FBXL19: variants seen among roughly 807,000 people sequenced by gnomAD.
The protein encoded by FBXL19 is F-box/LRR-repeat protein 19.
A neutral mutation model predicts 71.2 loss-of-function variants in FBXL19; 16 were observed. That is an observed-to-expected ratio of 0.22 (90% CI 0.15 to 0.34). The LOEUF (loss-of-function observed/expected upper bound fraction) is 0.34. Among genes scored for constraint, FBXL19 ranks in the 10% least tolerant of loss-of-function variants. FBXL19 has a pLI of 1.00. For synonymous variants in FBXL19, 447 were observed against 409.4 expected, an observed-to-expected ratio of 1.09 and a Z score of -1.11; for missense variants, 658 against 968.2, an observed-to-expected ratio of 0.68 and a Z score of 4.25.
intron 7 of FBXL19, among the ~76,000 whole-genome samples, chr16:30,941,312 C>CA (rs796487412): frequency 6.6e-5 from 10 of 151,948 alleles, no homozygotes; most frequent in African/African-American, 2.4e-4. Flanking sequence ...CCTGTCTCTA[C>CA]AAAAAAATTG....
At chr16:30,924,585 C>G in intron 1 of FBXL19, 126 bp downstream of exon 1, 1 of 1,354,030 alleles carries the variant, frequency 7.4e-7, no homozygotes, top group Non-Finnish European at 9.4e-7. Context: ...AAACTCATCT[C>G]CAGCCCTCCT....
chr16:30,935,477 A>G (rs773289096), intron 7 of FBXL19, among the ~76,000 whole-genome samples: 9 of 152,128 alleles, frequency 5.9e-5, no homozygotes, highest in Non-Finnish European at 1.2e-4. Context: ...GCAGCAGGGA[A>G]GGCGTGCAGG....
In FBXL19 at chr16:30,947,740, T is replaced by C. The variant is rs1343382833; in HGVS notation, c.*510T>C. On this transcript the variant is annotated 3_prime_UTR_variant, in exon 11 of 11. Transcript: ENST00000338343. ...CAATTGGGGATCCAGGTGTCAGAGGTAGGGGAACCAGGGGCAAGCTGGGGC... is the reference window on the plus strand; with the variant it reads ...CAATTGGGGATCCAGGTGTCAGAGGCAGGGGAACCAGGGGCAAGCTGGGGC... 1.9e-5 allele frequency: 7 copies of C among 370,614 alleles called. No individual in the cohort carries two copies. The highest frequency in any genetic ancestry group is 1.3e-4 in the South Asian group (7 of 52,848). The allele number at this position is 370,614 out of a possible 1,614,324, so 23.0% of individuals were successfully genotyped here.
rs1456586835 is a variant in FBXL19, at chr16:30,925,635, C to T, written c.-24-96C>T. ...CTCCTTGTCCCCCTGAGGAAGAGGG[C>T]AGGCTCTAGCTGCCTGTAGGTGGAG... On this transcript the variant is annotated intron_variant, in intron 1 of 10. Coordinates refer to ENST00000338343, the MANE Select transcript of FBXL19 (RefSeq NM_001382779.1). This position sits in a 1 kb window ranked among gnomAD's most constrained non-coding sequence, Gnocchi z 5.0. The T allele has an allele frequency of 7.7e-6, 10 of 1,299,500 alleles. No individual in the cohort carries two copies. Among genetic ancestry groups the T allele is most frequent in the East Asian group, 3.2e-5 (1 of 31,362 alleles). 80.5% of individuals were successfully genotyped at this position (1,299,500 alleles called of 1,614,324 possible). A position where few individuals can be genotyped will look rare whatever the true frequency, so the allele number is the denominator to read the frequency against.
intron 1 of FBXL19, chr16:30,924,670 G>T: frequency 7.4e-7 from 1 of 1,360,434 alleles, no homozygotes; most frequent in Non-Finnish European, 9.5e-7. Flanking sequence ...CCCCACCCCC[G>T]CCTGCAGTCG....
In FBXL19 at chr16:30,923,672, A is replaced by G. The variant is rs1214059192; in HGVS notation, c.-812A>G. Among the ~76,000 whole-genome samples, 1 of 149,344 alleles carries G rather than the reference A, an allele frequency of 6.7e-6. No homozygotes were observed. Among genetic ancestry groups the G allele is most frequent in the Non-Finnish European group, 1.5e-5 (1 of 67,152 alleles). On this transcript the variant is annotated 5_prime_UTR_variant, in exon 1 of 11. Transcript: ENST00000338343. ...GCTGGGGGACCAGGGGGGCTGAGAC[A>G]CCCCAACTGCCCCCTTCCCCTTTCC... is the stretch of plus-strand genomic sequence containing the variant.
At position 30,930,546 on chromosome 16, in the gene FBXL19, G is replaced by A. The variant is rs767396335; in HGVS notation, c.1263G>A (p.Leu421=). Residue 421 remains leucine, a synonymous_variant, in exon 7 of 11, where the codon CTG becomes CTA. Coordinates refer to ENST00000338343, the MANE Select transcript of FBXL19 (RefSeq NM_001382779.1). This position sits in a 1 kb window ranked among gnomAD's most constrained non-coding sequence, Gnocchi z 8.5. ...RVFQHLGPRE[L]CICMRVCRTW... ...TCCAGCACCTCGGGCCGCGGGAGCT[G>A]TGTATCTGCATGCGAGTCTGCCGAA... 4.9e-5 allele frequency: 73 copies of A among 1,490,488 alleles called. No homozygotes were observed. In the Admixed American group the frequency reaches 1.7e-3, roughly 35 times the overall value. 92.3% of individuals were successfully genotyped at this position (1,490,488 alleles called of 1,614,324 possible).
intron 7 of FBXL19, among the ~76,000 whole-genome samples, chr16:30,932,839 C>CTTT (rs1188274971): frequency 2.0e-4 from 26 of 130,468 alleles, no homozygotes; most frequent in Non-Finnish European, 2.6e-4. Context: ...GCAATGATAA[C>CTTT]TTTTTTTTTT....
chr16:30,932,480 G>A (rs150251766), intron 7 of FBXL19, among the ~76,000 whole-genome samples: 2 of 152,190 alleles, frequency 1.3e-5, no homozygotes, highest in East Asian at 1.9e-4. Flanking sequence ...CGTGTGGCCC[G>A]AAGCAGACAA....
chr16:30,936,352 G>C (rs1349981277), intron 7 of FBXL19, among the ~76,000 whole-genome samples: 1 of 151,922 alleles, frequency 6.6e-6, no homozygotes, highest in Non-Finnish European at 1.5e-5. Flanking sequence ...CCACCCAGAC[G>C]GGCTAGGTGG....
Position 30,947,259 on chromosome 16 carries a change from CG to C in FBXL19, c.*30del. On this transcript the variant is annotated 3_prime_UTR_variant, in exon 11 of 11. Transcript: ENST00000338343. Reference sequence around the variant, plus strand: ...GGCGCCCCCCACCCTCCCCCGGACTCGACAGGAGCCTGGACCTCCGGCTTCA... The same window carrying C: ...GGCGCCCCCCACCCTCCCCCGGACTCACAGGAGCCTGGACCTCCGGCTTCA... 2 of 1,522,732 alleles carry C rather than the reference CG, an allele frequency of 1.3e-6. No individual in the cohort carries two copies. The highest frequency in any genetic ancestry group is 2.4e-5 in the South Asian group (2 of 81,828). 94.3% of individuals were successfully genotyped at this position (1,522,732 alleles called of 1,614,324 possible).
At position 30,930,285 on chromosome 16, in the gene FBXL19, A is replaced by G; in HGVS notation, c.1002A>G (p.Arg334=). Residue 334 remains arginine, a synonymous_variant, in exon 7 of 11, where the codon CGA becomes CGG. Transcript: ENST00000338343. This position sits in a 1 kb window ranked among gnomAD's most constrained non-coding sequence, Gnocchi z 8.5. ...CCCCCGGCGAGGCCCGGAATGGGCG[A>G]CGGCCAGCCCGGGGCAGCTCTGGCG... ...DEAPGEARNG[R]RPARGSSGEK... The G allele has an allele frequency of 1.2e-6, 2 of 1,612,270 alleles. No homozygotes were observed. Among genetic ancestry groups the G allele is most frequent in the Non-Finnish European group, 1.7e-6 (2 of 1,179,540 alleles).
intron 7 of FBXL19, among the ~76,000 whole-genome samples, chr16:30,932,628 C>T (rs2055687663): frequency 6.6e-6 from 1 of 152,098 alleles, no homozygotes; most frequent in African/African-American, 2.4e-5. Flanking sequence ...TATGAATACT[C>T]ACCTTTTGGG....
In FBXL19 at chr16:30,947,931, C is replaced by A; in HGVS notation, c.*701C>A. ...TGCAAGGAGTGGGGGCCGCGGGCAG[C>A]CGCTCTTCAGCTCGCGGCCCAGGGG... is the stretch of plus-strand genomic sequence containing the variant. On this transcript the variant is annotated 3_prime_UTR_variant, in exon 11 of 11. Coordinates refer to ENST00000338343, the MANE Select transcript of FBXL19 (RefSeq NM_001382779.1). The A allele has an allele frequency of 2.2e-6, 1 of 450,740 alleles. No homozygotes were observed. Among genetic ancestry groups the A allele is most frequent in the Non-Finnish European group, 4.5e-6 (1 of 224,150 alleles). The allele number at this position is 450,740 out of a possible 1,614,324, so 27.9% of individuals were successfully genotyped here. A position where few individuals can be genotyped will look rare whatever the true frequency, so the allele number is the denominator to read the frequency against.
In FBXL19 at chr16:30,930,776, C is replaced by T. The variant is rs1242314673; in HGVS notation, c.1301+192C>T. On this transcript the variant is annotated intron_variant, in intron 7 of 10. Coordinates refer to ENST00000338343, the MANE Select transcript of FBXL19 (RefSeq NM_001382779.1). This position sits in a 1 kb window ranked among gnomAD's most constrained non-coding sequence, Gnocchi z 8.5. ...ACTTTCCACTTATGGGCTCATTTAA[C>T]CCCCTAGACAACTTTGAGGTAGAGG... is the stretch of plus-strand genomic sequence containing the variant. Among the ~76,000 whole-genome samples the T allele has an allele frequency of 1.3e-5, 2 of 152,162 alleles. No individual in the cohort carries two copies. Among genetic ancestry groups the T allele is most frequent in the African/African-American group, 4.8e-5 (2 of 41,414 alleles).
intron 7 of FBXL19, among the ~76,000 whole-genome samples, chr16:30,940,721 C>T (rs1365110722): frequency 6.6e-6 from 1 of 152,068 alleles, no homozygotes; most frequent in African/African-American, 2.4e-5. Context: ...AGCTGGTGTG[C>T]AGTGGTGCGA....
In FBXL19 at chr16:30,947,336, T is replaced by C; in HGVS notation, c.*106T>C. The C allele has an allele frequency of 1.0e-6, 1 of 959,748 alleles. No individual in the cohort carries two copies. Among genetic ancestry groups the C allele is most frequent in the Non-Finnish European group, 1.5e-6 (1 of 665,082 alleles). 59.5% of individuals were successfully genotyped at this position (959,748 alleles called of 1,614,324 possible). On this transcript the variant is annotated 3_prime_UTR_variant, in exon 11 of 11. Transcript: ENST00000338343. ...TCCCACCTCACCACCCTGGGATTCC[T>C]GAGTGTCAGTGACTTGGGATTCCCA...
chr16:30,923,478 G>A (rs943899037), upstream of FBXL19, among the ~76,000 whole-genome samples: 2 of 151,014 alleles, frequency 1.3e-5, no homozygotes, highest in Non-Finnish European at 3.0e-5. Flanking sequence ...GGAAGGAGGG[G>A]GAAGGGGGCG....
rs1193877614 is a variant in FBXL19, at chr16:30,930,581, G to A, written c.1298G>A (p.Arg433His). The A allele has an allele frequency of 1.4e-6, 2 of 1,453,230 alleles. No individual in the cohort carries two copies. The highest frequency in any genetic ancestry group is 1.8e-6 in the Non-Finnish European group (2 of 1,107,324). The allele number at this position is 1,453,230 out of a possible 1,614,324, so 90.0% of individuals were successfully genotyped here. A position where few individuals can be genotyped will look rare whatever the true frequency, so the allele number is the denominator to read the frequency against. ...ICMRVCRTWS[R>H]WCYDKRLWPR... is the part of the protein sequence containing the mutation. ...ATGCGAGTCTGCCGAACTTGGAGCCGCTGGTGAGTGGCCTGGACAGGCCTG... is the reference window on the plus strand; with the variant it reads ...ATGCGAGTCTGCCGAACTTGGAGCCACTGGTGAGTGGCCTGGACAGGCCTG... Residue 433 changes from arginine to histidine, a missense_variant, in exon 7 of 11, where the codon CGC (arginine) becomes CAC (histidine). Physicochemically the swap from Arg to His is conservative, Grantham distance 29. Around this residue, in one of 8 missense-constraint regions of FBXL19, gnomAD observed 38 missense variants for 92.3 expected, o/e 0.41. Transcript: ENST00000338343. The surrounding 1 kb of genome is among the most constrained non-coding windows in gnomAD (Gnocchi z 8.5).
Sources: allele counts gnomAD v4.1 joint callset (sites outside exome capture counted in the v4.1 genomes callset), GRCh38; gene constraint gnomAD v4.1.1; regional missense constraint gnomAD v4.1.1; non-coding constraint Gnocchi (gnomAD v3.1); transcripts MANE v1.5; gene names NCBI Gene and HGNC (gene_info 2026-07-23, HGNC 2026-07-21).